OTUD7A: variants seen among roughly 807,000 people sequenced by gnomAD.
The protein encoded by OTUD7A is OTU deubiquitinase 7A.
In OTUD7A, 12 loss-of-function variants were observed where a neutral mutation model predicts 65.7. That is an observed-to-expected ratio of 0.18 (90% confidence interval 0.12 to 0.30). The LOEUF (loss-of-function observed/expected upper bound fraction) is 0.30. Ranked by LOEUF, OTUD7A falls within the 10% of genes least tolerant of loss-of-function variation. The probability of loss-of-function intolerance (pLI) is 1.00; values close to 1 mark genes in which losing one functional copy is unlikely to be tolerated. For synonymous variants in OTUD7A, 641 were observed against 586.3 expected, an observed-to-expected ratio of 1.09 and a Z score of -1.35; for missense variants, 1,148 against 1,304.8, an observed-to-expected ratio of 0.88 and a Z score of 1.85.
chr15:31,601,825 C>A (rs1890085386), intron 3 of OTUD7A, among the ~76,000 whole-genome samples: 1 of 152,180 alleles, frequency 6.6e-6, no homozygotes, highest in Non-Finnish European at 1.5e-5. Flanking sequence ...ACTATAAACA[C>A]TCCTATGCAA....
chr15:31,519,286 C>A (rs1181870526), intron 8 of OTUD7A, among the ~76,000 whole-genome samples: 1 of 152,180 alleles, frequency 6.6e-6, no homozygotes, highest in Admixed American at 6.5e-5. Flanking sequence ...GTTCTTAATT[C>A]TGTTTACGTG....
chr15:31,750,220 C>T (rs1267166121), intron 1 of OTUD7A, among the ~76,000 whole-genome samples: 1 of 151,862 alleles, frequency 6.6e-6, no homozygotes, highest in Admixed American at 6.6e-5. Context: ...CCAGCCTGGC[C>T]AACATGGTGA....
At chr15:31,678,447 C>T (rs566492346) in intron 1 of OTUD7A, among the ~76,000 whole-genome samples, 48 of 152,324 alleles carry the variant, frequency 3.2e-4, no homozygotes, top group Middle Eastern at 3.4e-3. Context: ...AGCAGCCCCT[C>T]CCATCACAAG....
chr15:31,721,182 A>G (rs1235458242), intron 1 of OTUD7A, among the ~76,000 whole-genome samples: 34 of 152,396 alleles, frequency 2.2e-4, no homozygotes, highest in Admixed American at 1.9e-3. Flanking sequence ...CCTCTATGTA[A>G]TCAGTGTGTA....
chr15:31,668,856 T>C (rs1384614575), intron 1 of OTUD7A, among the ~76,000 whole-genome samples: 1 of 152,234 alleles, frequency 6.6e-6, no homozygotes, highest in East Asian at 1.9e-4. Context: ...ATTGTAGCAG[T>C]ACTCTCCTGC....
chr15:31,693,352 G>A (rs1275464361), intron 1 of OTUD7A, among the ~76,000 whole-genome samples: 1 of 152,178 alleles, frequency 6.6e-6, no homozygotes, highest in Non-Finnish European at 1.5e-5. Flanking sequence ...ACCTCTAGAG[G>A]GAAATGCAAG....
intron 8 of OTUD7A, among the ~76,000 whole-genome samples, chr15:31,514,872 C>T (rs983476578): frequency 1.3e-5 from 2 of 152,248 alleles, no homozygotes; most frequent in African/African-American, 2.4e-5. Context: ...CATATTCACA[C>T]ATACACACAC....
In OTUD7A at chr15:31,483,606, G is replaced by A; in HGVS notation, c.2490C>T (p.Val830=). ...CGGGCACCGCGCGCGCCAGCGACTC[G>A]ACCGTGTTGACGGTGCGCAGGGCGG... The part of the protein sequence containing the change: ...RAAALRTVNT[V]ESLARAVPGA... The change falls in exon 13 of 13, where the codon GTC becomes GTT. Residue 830 remains valine, a synonymous_variant. Transcript: ENST00000307050. The A allele has an allele frequency of 1.3e-5, 16 of 1,218,642 alleles. No individual in the cohort carries two copies. Among genetic ancestry groups the A allele is most frequent in the African/African-American group, 1.6e-5 (1 of 62,368 alleles). 75.5% of individuals were successfully genotyped at this position (1,218,642 alleles called of 1,614,324 possible).
At chr15:31,786,494 G>C (rs1208532942) in intron 1 of OTUD7A, among the ~76,000 whole-genome samples, 1 of 152,150 alleles carries the variant, frequency 6.6e-6, no homozygotes, top group Non-Finnish European at 1.5e-5. Flanking sequence ...TGTGTGCCTG[G>C]ACAGGGTGTG....
At chr15:31,802,141 G>GTATATATATATA (rs1555419391) in intron 1 of OTUD7A, among the ~76,000 whole-genome samples, 1 of 142,496 alleles carries the variant, frequency 7.0e-6, no homozygotes, top group African/African-American at 2.7e-5. Context: ...GTGTGTGTGT[G>GTATATATATATA]TATATATATA....
intron 3 of OTUD7A, among the ~76,000 whole-genome samples, chr15:31,579,973 G>A (rs2141183134): frequency 6.6e-6 from 1 of 152,326 alleles, no homozygotes; most frequent in African/African-American, 2.4e-5. Flanking sequence ...TATGTGCTAT[G>A]TAGAAGTACA....
chr15:31,755,956 T>A (rs991557212), intron 1 of OTUD7A, among the ~76,000 whole-genome samples: 1 of 152,188 alleles, frequency 6.6e-6, no homozygotes, highest in Non-Finnish European at 1.5e-5. Context: ...AAAGGGGTTA[T>A]GGGCTTAAGC....
intron 1 of OTUD7A, among the ~76,000 whole-genome samples, chr15:31,825,750 C>A (rs1413978181): frequency 6.6e-6 from 1 of 152,162 alleles, no homozygotes; most frequent in Non-Finnish European, 1.5e-5. Context: ...CAAAAGCAAG[C>A]TACTTATTTC....
intron 3 of OTUD7A, among the ~76,000 whole-genome samples, chr15:31,628,981 G>A (rs1891053450): frequency 6.6e-6 from 1 of 152,158 alleles, no homozygotes; most frequent in Non-Finnish European, 1.5e-5. Flanking sequence ...ATCAGCTTAA[G>A]GAGATTTTGG....
chr15:31,719,316 A>G (rs1358649397), intron 1 of OTUD7A, among the ~76,000 whole-genome samples: 1 of 151,814 alleles, frequency 6.6e-6, no homozygotes, highest in Non-Finnish European at 1.5e-5. Context: ...GAACTTGGAC[A>G]TGTAATGCAC....
At chr15:31,540,572 G>A (rs1448815649) in intron 5 of OTUD7A, among the ~76,000 whole-genome samples, 1 of 152,130 alleles carries the variant, frequency 6.6e-6, no homozygotes, top group Non-Finnish European at 1.5e-5. Context: ...TAAAAATGGA[G>A]ATAATAATAG....
intron 3 of OTUD7A, among the ~76,000 whole-genome samples, chr15:31,639,677 G>A (rs1393377763): frequency 6.6e-6 from 1 of 151,768 alleles, no homozygotes; most frequent in Non-Finnish European, 1.5e-5. Context: ...GCTGAGATTT[G>A]GTATGCTCAG....
rs1486788262 is a variant in OTUD7A at position 31,480,585 on chromosome 15, A to G, written c.*2709T>C. The G allele has an allele frequency of 6.6e-6, 1 of 152,236 alleles. No homozygotes were observed. The highest frequency in any genetic ancestry group is 1.5e-5 in the Non-Finnish European group (1 of 68,074). 9.4% of individuals were successfully genotyped at this position (152,236 alleles called of 1,614,324 possible). The stretch of plus-strand genomic sequence containing the variant: ...AGCCCTTGGCCCACATGCAGTCAAC[A>G]CAGTTTTTAATAGTTTCTGGCCAGC... On this transcript the variant is annotated 3_prime_UTR_variant, in exon 13 of 13. Transcript: ENST00000307050.
intron 3 of OTUD7A, among the ~76,000 whole-genome samples, chr15:31,585,909 A>C (rs1314805275): frequency 6.6e-6 from 1 of 152,194 alleles, no homozygotes; most frequent in African/African-American, 2.4e-5. Context: ...CCAAGCAACA[A>C]AGAAGACTTT....
Sources: allele counts gnomAD v4.1 joint callset (sites outside exome capture counted in the v4.1 genomes callset), GRCh38; gene constraint gnomAD v4.1.1; transcripts MANE v1.5; gene names NCBI Gene and HGNC (gene_info 2026-07-23, HGNC 2026-07-21).